Variants in PARPBP observed in about 807,000 individuals in gnomAD.
PARPBP encodes PCNA-interacting partner.
Under a neutral mutation model 50.0 loss-of-function variants are expected in PARPBP, and 52 were observed. The ratio of observed to expected loss-of-function variants is 1.04; its 90% CI spans 0.83 to 1.31. The LOEUF is 1.31. Among genes scored for constraint, PARPBP ranks in the 50% most tolerant of loss-of-function variants. The pLI, the probability that PARPBP is intolerant of heterozygous loss-of-function variation, is 0.00. For missense variants in PARPBP, 697 were observed against 672.0 expected (o/e 1.04, Z -0.41); for synonymous variants, 244 against 232.1 (o/e 1.05, Z -0.47).
In PARPBP at chr12:102,175,511, A is replaced by G. The variant is rs1335729620; in HGVS notation, c.850A>G (p.Ile284Val). ...TGCAGGGGGTCAAATACTGTCAGTG[A>G]TAAAGATGCAACTGATTAAAGGCCA... is the stretch of plus-strand genomic sequence containing the variant. Reference protein sequence around the residue: ...SIAGGQILSVIKMQLIKGQNS... With the variant: ...SIAGGQILSVVKMQLIKGQNS... The change falls in exon 7 of 11, where the codon ATA becomes GTA. Residue 284 changes from isoleucine (I) to valine (V), a missense_variant. Ile to Val is a conservative substitution (Grantham distance 29). Transcript: ENST00000327680. 3 of 1,613,460 alleles carry G rather than the reference A, an allele frequency of 1.9e-6. No individual in the cohort carries two copies. The highest frequency in any genetic ancestry group is 1.1e-5 in the South Asian group (1 of 91,052).
intron 6 of PARPBP, among the ~76,000 whole-genome samples, chr12:102,170,384 A>C (rs919490658): frequency 2.0e-5 from 3 of 152,246 alleles, no homozygotes; most frequent in Non-Finnish European, 4.4e-5. Context: ...CCTGCCACAC[A>C]CATAGGCTAT....
chr12:102,151,795 C>A lies in PARPBP; in HGVS notation c.388-2074C>A, dbSNP rs565215258. ...CCTGAAGAAGCTGGCAGCTGTCATG[C>A]GGCAAGTGAGACAATGGGAAAGCCA... On this transcript the variant is annotated intron_variant, in intron 3 of 10. Coordinates refer to ENST00000327680, the MANE Select transcript of PARPBP (RefSeq NM_017915.5). 41 of 1,534,590 alleles carry A rather than the reference C, an allele frequency of 2.7e-5. No individual in the cohort carries two copies. In the Admixed American group the frequency reaches 6.7e-4, roughly 25 times the overall value.
intron 4 of PARPBP, among the ~76,000 whole-genome samples, chr12:102,161,170 A>G (rs922067562): frequency 6.6e-6 from 1 of 150,998 alleles, no homozygotes; most frequent in African/African-American, 2.4e-5. Flanking sequence ...CAGTAGCATT[A>G]TCTTGGCTCA....
intron 4 of PARPBP, among the ~76,000 whole-genome samples, chr12:102,158,156 T>G (rs1175356181): frequency 4.0e-5 from 6 of 150,946 alleles, no homozygotes; most frequent in Non-Finnish European, 1.5e-5. Flanking sequence ...ATAGTGAGCT[T>G]CTAATTCTGT....
At chr12:102,169,705 G>T (rs373854643) in intron 6 of PARPBP, among the ~76,000 whole-genome samples, 3 of 152,016 alleles carry the variant, frequency 2.0e-5, no homozygotes, top group South Asian at 4.2e-4. Context: ...CTATCCTGTC[G>T]TCCTCATTGC....
At chr12:102,136,641 A>C (rs906032071) in intron 2 of PARPBP, among the ~76,000 whole-genome samples, 8 of 152,174 alleles carry the variant, frequency 5.3e-5, no homozygotes, top group African/African-American at 1.9e-4. Flanking sequence ...GGTGGGAAAG[A>C]AGAGGTGAGT....
At chr12:102,154,823 C>G in intron 4 of PARPBP, 1 of 455,070 alleles carries the variant, frequency 2.2e-6, no homozygotes, top group Non-Finnish European at 4.4e-6. Flanking sequence ...CTTTCCCCTT[C>G]CAGGCCCTCC....
At chr12:102,133,011 A>G (rs1389860780) in intron 2 of PARPBP, among the ~76,000 whole-genome samples, 1 of 152,044 alleles carries the variant, frequency 6.6e-6, no homozygotes, top group Non-Finnish European at 1.5e-5. Flanking sequence ...GTATCTTGCC[A>G]CTTTACACAA....
chr12:102,154,091 GTA>G (rs1409205732), intron 4 of PARPBP, 115 bp downstream of exon 4: 4 of 624,636 alleles, frequency 6.4e-6, no homozygotes, highest in Non-Finnish European at 1.1e-5. Context: ...CAAATCTTTA[GTA>G]TGTTTAAAAC....
chr12:102,120,603 C>A, intron 1 of PARPBP: 1 of 407,408 alleles, frequency 2.5e-6, no homozygotes, highest in Non-Finnish European at 5.0e-6. Context: ...TACACGGACT[C>A]CAATTCCTCA....
chr12:102,130,166 G>A (rs1882624364), intron 2 of PARPBP, among the ~76,000 whole-genome samples: 1 of 152,172 alleles, frequency 6.6e-6, no homozygotes, highest in African/African-American at 2.4e-5. Context: ...TCAATAAATA[G>A]TGCTGGGATA....
intron 3 of PARPBP, among the ~76,000 whole-genome samples, chr12:102,151,114 G>GA (rs11449453): frequency 0.4 from 60,296 of 151,762 alleles, 12,448 homozygotes; most frequent in African/African-American, 0.52. Flanking sequence ...TGAGTTAGCT[G>GA]CAACACACGT....
At chr12:102,149,491 T>C (rs1885903556) in intron 3 of PARPBP, among the ~76,000 whole-genome samples, 1 of 152,242 alleles carries the variant, frequency 6.6e-6, no homozygotes, top group Non-Finnish European at 1.5e-5. Flanking sequence ...ATCCATTATA[T>C]TGGTATTCCT....
intron 6 of PARPBP, among the ~76,000 whole-genome samples, chr12:102,168,130 T>C (rs1397977229): frequency 2.6e-5 from 4 of 152,176 alleles, no homozygotes; most frequent in African/African-American, 9.6e-5. Flanking sequence ...TCCTCTCTCA[T>C]TCTCTTTTTC....
Position 102,153,936 on chromosome 12 carries a change from C to T in PARPBP, c.455C>T (p.Pro152Leu). 6.2e-7 allele frequency: 1 copy of T among 1,606,946 alleles called. No homozygotes were observed. The highest frequency in any genetic ancestry group is 1.1e-5 in the South Asian group (1 of 90,932). The change falls in exon 4 of 11, where the codon CCA becomes CTA. Residue 152 changes from proline (P) to leucine (L), a missense_variant. Physicochemically the swap from Pro to Leu is moderately conservative, Grantham distance 98. Transcript: ENST00000327680. ...AVGDETDLSIPTSPTSKYNRD... is the reference protein window; with the variant it reads ...AVGDETDLSILTSPTSKYNRD... ...GGTGATGAAACTGATCTTTCTATAC[C>T]AACATCACCAACAAGTAAATACAAC...
intron 4 of PARPBP, chr12:102,155,356 T>C (rs942861277): frequency 6.6e-6 from 1 of 152,224 alleles, no homozygotes; most frequent in African/African-American, 2.4e-5. Context: ...GCACATGTTC[T>C]CAGGATCTCT....
chr12:102,184,005 C>G (rs1212549109), intron 9 of PARPBP, among the ~76,000 whole-genome samples: 1 of 135,742 alleles, frequency 7.4e-6, no homozygotes, highest in African/African-American at 2.9e-5. Context: ...GGAGATCACA[C>G]CACTTCATTC....
At chr12:102,141,690 A>G (rs1303130044) in intron 2 of PARPBP, among the ~76,000 whole-genome samples, 3 of 152,150 alleles carry the variant, frequency 2.0e-5, no homozygotes, top group Non-Finnish European at 2.9e-5. Context: ...GGTGGTGACA[A>G]AATCTCTCAG....
chr12:102,165,029 G>T (rs368184734), intron 5 of PARPBP, among the ~76,000 whole-genome samples: 135 of 152,242 alleles, frequency 8.9e-4, no homozygotes, highest in Middle Eastern at 3.4e-3. Flanking sequence ...AATTAAGCTT[G>T]TTATTTAATC....
Sources: allele counts gnomAD v4.1 joint callset (sites outside exome capture counted in the v4.1 genomes callset), GRCh38; gene constraint gnomAD v4.1.1; transcripts MANE v1.5; gene names NCBI Gene and HGNC (gene_info 2026-07-23, HGNC 2026-07-21).